The following NFYC variants were observed in gnomAD, a reference collection of about 807,000 sequenced individuals.
The protein encoded by NFYC is nuclear transcription factor Y subunit gamma.
NFYC carries 25 observed loss-of-function variants against 53.1 expected under a neutral mutation model. The ratio of observed to expected loss-of-function variants is 0.47; its 90% CI spans 0.34 to 0.66. NFYC has a LOEUF of 0.66. NFYC is among the 30% of genes least tolerant of loss of function. The probability of loss-of-function intolerance (pLI) is 0.01; values close to 1 mark genes in which losing one functional copy is unlikely to be tolerated. For missense variants in NFYC, 260 were observed against 422.7 expected, an observed-to-expected ratio of 0.62 and a Z score of 3.38; for synonymous variants, 145 against 152.6, an observed-to-expected ratio of 0.95 and a Z score of 0.37.
intron 8 of NFYC, among the ~76,000 whole-genome samples, chr1:40,768,409 C>G (rs1486040889): frequency 6.6e-6 from 1 of 152,170 alleles, no homozygotes; most frequent in Non-Finnish European, 1.5e-5. Context: ...AGTCATGAAG[C>G]CTGTCATACC....
chr1:40,709,060 C>T (rs945786419), intron 1 of NFYC, among the ~76,000 whole-genome samples: 7 of 152,188 alleles, frequency 4.6e-5, no homozygotes, highest in Admixed American at 2.0e-4. Flanking sequence ...TTTCAATATT[C>T]TGTTTTAGAA....
At position 40,770,865 on chromosome 1, in the gene NFYC, A is replaced by G; in HGVS notation, c.*37A>G. 3.1e-6 allele frequency: 5 copies of G among 1,598,610 alleles called. No homozygotes were observed. The highest frequency in any genetic ancestry group is 1.3e-5 in the African/African-American group (1 of 74,908). The stretch of plus-strand genomic sequence containing the variant: ...GGCAAGGCCAAGGACACCCAACACA[A>G]TTTTTGCCATACAGCCCCAGGCAAT... On this transcript the variant is annotated 3_prime_UTR_variant, in exon 10 of 10. Transcript: ENST00000447388. The surrounding 1 kb of genome is among the most constrained non-coding windows in gnomAD (Gnocchi z 5.3).
chr1:40,754,571 C>G, intron 5 of NFYC: 1 of 382,916 alleles, frequency 2.6e-6, no homozygotes, highest in Non-Finnish European at 5.4e-6. Context: ...GGCCATTTAT[C>G]TTCCTTCAGA....
At chr1:40,754,464 G>A (rs746640625) in intron 5 of NFYC, 5 of 532,534 alleles carry the variant, frequency 9.4e-6, no homozygotes, top group Middle Eastern at 4.4e-4. Context: ...CCCCAGCTAC[G>A]CACCGGCTTT....
At chr1:40,705,565 GTT>G (rs1643656014) in intron 1 of NFYC, among the ~76,000 whole-genome samples, 1 of 152,106 alleles carries the variant, frequency 6.6e-6, no homozygotes, top group South Asian at 2.1e-4. Context: ...GTGTACTCTT[GTT>G]AATGATTTAC....
chr1:40,737,407 C>T (rs1054587115), intron 1 of NFYC, among the ~76,000 whole-genome samples: 15 of 151,020 alleles, frequency 9.9e-5, no homozygotes, highest in African/African-American at 3.4e-4. Context: ...TGGCTCACTG[C>T]AACCTCTGCC....
In NFYC at chr1:40,753,163, G is replaced by A. The variant is rs747994542; in HGVS notation, c.304G>A (p.Ala102Thr). 7 of 1,612,058 alleles carry A rather than the reference G, an allele frequency of 4.3e-6. No individual in the cohort carries two copies. The highest frequency in any genetic ancestry group is 2.2e-5 in the East Asian group (1 of 44,878). The change falls in exon 5 of 10, where the codon GCC becomes ACC. Residue 102 changes from alanine (A) to threonine (T), a missense_variant. Physicochemically the swap from Ala to Thr is moderately conservative, Grantham distance 58. Transcript: ENST00000447388. ...KRRTLQRNDI[A>T]MAITKFDQFD... is the part of the protein sequence containing the mutation. ...TTCTTTGTTACAGAGAAATGATATCGCCATGGCAATTACAAAATTTGATCA... is the reference window on the plus strand; with the variant it reads ...TTCTTTGTTACAGAGAAATGATATCACCATGGCAATTACAAAATTTGATCA...
chr1:40,747,652 G>T, intron 3 of NFYC, 47 bp downstream of exon 3: 3 of 1,272,236 alleles, frequency 2.4e-6, no homozygotes, highest in East Asian at 4.7e-5. Flanking sequence ...GCTAAGTGAT[G>T]GGTAGGTTAT....
chr1:40,728,337 C>T (rs1644614688), intron 1 of NFYC, among the ~76,000 whole-genome samples: 1 of 152,046 alleles, frequency 6.6e-6, no homozygotes, highest in Non-Finnish European at 1.5e-5. Flanking sequence ...TGGTTTACAC[C>T]TGTAATCCCA....
chr1:40,721,189 G>A (rs140685947), intron 1 of NFYC, among the ~76,000 whole-genome samples: 1 of 152,222 alleles, frequency 6.6e-6, no homozygotes, highest in Non-Finnish European at 1.5e-5. Flanking sequence ...ATTAGTGAAT[G>A]TGTAGACAGT....
intron 1 of NFYC, among the ~76,000 whole-genome samples, chr1:40,728,687 G>A (rs1452918571): frequency 6.6e-6 from 1 of 152,096 alleles, no homozygotes; most frequent in Non-Finnish European, 1.5e-5. Context: ...ACCCAGGCTG[G>A]AGTGCAGTGG....
At chr1:40,720,197 G>A (rs1644279361) in intron 1 of NFYC, among the ~76,000 whole-genome samples, 1 of 152,094 alleles carries the variant, frequency 6.6e-6, no homozygotes, top group African/African-American at 2.4e-5. Context: ...CTAAACAGAG[G>A]GAAGAATTCA....
chr1:40,747,059 T>C (rs574546045), intron 2 of NFYC, among the ~76,000 whole-genome samples: 27 of 152,324 alleles, frequency 1.8e-4, no homozygotes, highest in Non-Finnish European at 3.4e-4. Context: ...TAAAGAACTG[T>C]GGATCACTGT....
At chr1:40,769,737 C>T (rs1430792462) in intron 9 of NFYC, among the ~76,000 whole-genome samples, 1 of 152,114 alleles carries the variant, frequency 6.6e-6, no homozygotes, top group African/African-American at 2.4e-5. Flanking sequence ...AGCAGGTTTC[C>T]TGTTTCCCTC....
intron 1 of NFYC, among the ~76,000 whole-genome samples, chr1:40,719,479 A>G (rs1644256959): frequency 6.6e-6 from 1 of 152,226 alleles, no homozygotes. Flanking sequence ...CCAGGCCCCC[A>G]GAAAGTGAAC....
At chr1:40,692,236 G>C (rs1265657784) in intron 1 of NFYC, 1 of 160,878 alleles carries the variant, frequency 6.2e-6, no homozygotes, top group African/African-American at 2.4e-5. Context: ...GGATGCGCGC[G>C]TCTTGGGCTA....
intron 1 of NFYC, among the ~76,000 whole-genome samples, chr1:40,717,802 G>T (rs1214007769): frequency 1.3e-5 from 2 of 152,166 alleles, no homozygotes; most frequent in African/African-American, 4.8e-5. Flanking sequence ...CATCCTGCAT[G>T]AAGCTGACCA....
At chr1:40,757,770 C>A (rs747545499) in intron 5 of NFYC, among the ~76,000 whole-genome samples, 16 of 152,204 alleles carry the variant, frequency 1.1e-4, no homozygotes, top group Non-Finnish European at 2.1e-4. Flanking sequence ...TTGCAATTAG[C>A]ACTGTTCTCA....
intron 2 of NFYC, among the ~76,000 whole-genome samples, chr1:40,740,774 C>T (rs1336529580): frequency 6.6e-6 from 1 of 152,136 alleles, no homozygotes; most frequent in Non-Finnish European, 1.5e-5. Flanking sequence ...AAAATGAATG[C>T]TGTCCTGGGG....
Sources: allele counts gnomAD v4.1 joint callset (sites outside exome capture counted in the v4.1 genomes callset), GRCh38; gene constraint gnomAD v4.1.1; non-coding constraint Gnocchi (gnomAD v3.1); transcripts MANE v1.5; gene names NCBI Gene and HGNC (gene_info 2026-07-23, HGNC 2026-07-21).